Variants in OPN3 observed in about 807,000 individuals in gnomAD.
OPN3 encodes opsin 3.
In OPN3, 29 loss-of-function variants were observed where a neutral mutation model predicts 33.8. The observed-to-expected ratio is 0.86, with a 90% CI of 0.64 to 1.17. The LOEUF is 1.17. Ranked by LOEUF, OPN3 falls within the 50% of genes most tolerant of loss-of-function variation. The pLI, the probability that OPN3 is intolerant of heterozygous loss-of-function variation, is 0.00. For synonymous variants in OPN3, 216 were observed against 216.1 expected (o/e 1.00, Z 0.00); for missense variants, 437 against 514.1 (o/e 0.85, Z 1.45).
In OPN3 at chr1:241,593,919, T is replaced by TC. The variant is rs1663412385; in HGVS notation, c.*508dup. The TC allele has an allele frequency of 1.3e-5, 2 of 154,846 alleles. No homozygotes were observed. The highest frequency in any genetic ancestry group is 6.3e-5 in the Admixed American group (1 of 15,798). 9.6% of individuals were successfully genotyped at this position (154,846 alleles called of 1,614,324 possible). A position where few individuals can be genotyped will look rare whatever the true frequency, so the allele number is the denominator to read the frequency against. ...TTTGTCATACTGCACATATAAAACGTCTTTTGTTTCCAACAAGAGGATTTT... is the reference window on the plus strand; with the variant it reads ...TTTGTCATACTGCACATATAAAACGTCCTTTTGTTTCCAACAAGAGGATTTT... On this transcript the variant is annotated 3_prime_UTR_variant, in exon 4 of 4. Transcript: ENST00000366554.
intron 1 of OPN3, among the ~76,000 whole-genome samples, chr1:241,627,828 T>C (rs1033687754): frequency 7.2e-5 from 11 of 152,204 alleles, no homozygotes; most frequent in Admixed American, 7.2e-4. Context: ...AACAGGAGCA[T>C]GACTTTCACT....
chr1:241,638,327 A>G (rs1475119164), intron 1 of OPN3, among the ~76,000 whole-genome samples: 2 of 152,182 alleles, frequency 1.3e-5, no homozygotes, highest in Non-Finnish European at 2.9e-5. Flanking sequence ...AGCAGAGGAA[A>G]GAGGTGAGGA....
intron 2 of OPN3, among the ~76,000 whole-genome samples, chr1:241,600,130 A>G (rs1376960845): frequency 1.3e-5 from 2 of 152,224 alleles, no homozygotes; most frequent in Non-Finnish European, 2.9e-5. Context: ...ACACTCATTT[A>G]TCCATCTTGG....
At chr1:241,616,931 C>G (rs2148010744) in intron 1 of OPN3, among the ~76,000 whole-genome samples, 1 of 152,244 alleles carries the variant, frequency 6.6e-6, no homozygotes, top group South Asian at 2.1e-4. Context: ...ATTAAAAAAT[C>G]TATAAAATAT....
At chr1:241,638,789 T>C (rs1665000614) in intron 1 of OPN3, among the ~76,000 whole-genome samples, 1 of 152,244 alleles carries the variant, frequency 6.6e-6, no homozygotes, top group African/African-American at 2.4e-5. Context: ...ATTACAAATA[T>C]AATATTTGGG....
chr1:241,603,145 G>C (rs1247067769), intron 2 of OPN3, among the ~76,000 whole-genome samples: 1 of 152,118 alleles, frequency 6.6e-6, no homozygotes, highest in East Asian at 1.9e-4. Flanking sequence ...GGAAGGGGGT[G>C]GGGGAGCAAT....
chr1:241,613,418 TC>T (rs1379532857), intron 1 of OPN3, among the ~76,000 whole-genome samples: 5 of 152,334 alleles, frequency 3.3e-5, no homozygotes, highest in Admixed American at 6.5e-5. Context: ...GCTTCCAAAG[TC>T]CATGCTGTGC....
At chr1:241,606,265 T>C (rs1032234503) in intron 1 of OPN3, among the ~76,000 whole-genome samples, 42 of 152,176 alleles carry the variant, frequency 2.8e-4, no homozygotes, top group African/African-American at 9.4e-4. Flanking sequence ...GGTTTTTGGC[T>C]GGGCACGGTG....
intron 1 of OPN3, chr1:241,635,270 G>A (rs1198784222): frequency 1.9e-6 from 3 of 1,613,750 alleles, no homozygotes; most frequent in Admixed American, 1.7e-5. Context: ...TACTTCTAGT[G>A]AAATCTCTGT....
intron 2 of OPN3, among the ~76,000 whole-genome samples, chr1:241,598,246 GT>G (rs61279224): frequency 4.0e-5 from 6 of 151,524 alleles, no homozygotes; most frequent in Non-Finnish European, 5.9e-5. Context: ...ATCCTTCAGT[GT>G]TTTTTTTGAC....
At position 241,604,525 on chromosome 1, in the gene OPN3, A is replaced by G; in HGVS notation, c.428T>C (p.Val143Ala). 6.2e-7 allele frequency: 1 copy of G among 1,614,088 alleles called. No homozygotes were observed. The highest frequency in any genetic ancestry group is 8.5e-7 in the Non-Finnish European group (1 of 1,180,000). Reference protein sequence around the residue: ...TVLAYERYIRVVHARVINFSW... With the variant: ...TVLAYERYIRAVHARVINFSW... ...AAAATTGATCACTCTGGCATGGACCACGCGAATGTAACGTTCATAGGCCAG... is the reference window on the plus strand; with the variant it reads ...AAAATTGATCACTCTGGCATGGACCGCGCGAATGTAACGTTCATAGGCCAG... The change falls in exon 2 of 4, where the codon GTG (valine) becomes GCG (alanine). Residue 143 changes from valine to alanine, a missense_variant. Val to Ala is a moderately conservative substitution (Grantham distance 64). Transcript: ENST00000366554.
intron 1 of OPN3, among the ~76,000 whole-genome samples, chr1:241,620,580 CT>C (rs1244450510): frequency 2.0e-5 from 3 of 152,226 alleles, no homozygotes; most frequent in Admixed American, 2.0e-4. Context: ...GTACCCTGAT[CT>C]CAGACTTCCA....
chr1:241,632,695 C>T (rs765217048), intron 1 of OPN3: 5 of 152,002 alleles, frequency 3.3e-5, no homozygotes, highest in Non-Finnish European at 5.9e-5. Flanking sequence ...GGGACACAAC[C>T]GAAAGGGCAT....
intron 1 of OPN3, chr1:241,632,099 T>C (rs1023375387): frequency 6.6e-6 from 1 of 152,180 alleles, no homozygotes; most frequent in African/African-American, 2.4e-5. Context: ...TGGTGGGAGA[T>C]AACTGAATCA....
At chr1:241,634,635 G>C in intron 1 of OPN3, 7 of 1,613,870 alleles carry the variant, frequency 4.3e-6, no homozygotes, top group Non-Finnish European at 5.9e-6. Context: ...CCATACAAGG[G>C]AAATAAAAAG....
At chr1:241,639,742 C>CGGGGCGGTGT in intron 1 of OPN3, 140 bp downstream of exon 1, 1 of 754,936 alleles carries the variant, frequency 1.3e-6, no homozygotes, top group African/African-American at 3.1e-5. Flanking sequence ...GAGCGGGGAG[C>CGGGGCGGTGT]GGGGCGGTGT....
chr1:241,634,050 T>C (rs752803759), intron 1 of OPN3: 8 of 1,611,960 alleles, frequency 5.0e-6, no homozygotes, highest in African/African-American at 1.3e-5. Context: ...ACATAAACAT[T>C]GGAAGGCAAG....
At chr1:241,625,607 G>T (rs1664397729) in intron 1 of OPN3, among the ~76,000 whole-genome samples, 1 of 152,142 alleles carries the variant, frequency 6.6e-6, no homozygotes, top group African/African-American at 2.4e-5. Context: ...TTTGGAATCT[G>T]TGTTATAATA....
At chr1:241,630,507 TAC>T (rs1209866619) in intron 1 of OPN3, 4 of 152,106 alleles carry the variant, frequency 2.6e-5, no homozygotes, top group Admixed American at 2.6e-4. Context: ...TCTTTGTTAG[TAC>T]ATTTTTATAC....
Sources: gnomAD v4.1 joint callset for allele counts (sites outside exome capture counted in the v4.1 genomes callset) on GRCh38, gnomAD v4.1.1 for gene constraint, MANE v1.5 for transcripts, NCBI Gene and HGNC (gene_info 2026-07-23, HGNC 2026-07-21) for gene names.